Variants in D2HGDH observed in about 807,000 individuals in gnomAD.
D2HGDH encodes D-2-hydroxyglutarate dehydrogenase, mitochondrial.
In D2HGDH, 31 loss-of-function variants were observed where a neutral mutation model predicts 46.9. The observed-to-expected ratio is 0.66, with a 90% confidence interval of 0.50 to 0.89. The LOEUF (loss-of-function observed/expected upper bound fraction) is 0.89, where lower values mean the gene tolerates loss of function less well. Ranked by LOEUF, D2HGDH falls within the 40% of genes least tolerant of loss-of-function variation. The pLI, the probability that D2HGDH is intolerant of heterozygous loss-of-function variation, is 0.00. For synonymous variants in D2HGDH, 364 were observed against 332.6 expected (o/e 1.09, Z -1.03); for missense variants, 698 against 720.8 (o/e 0.97, Z 0.36).
chr2:241,753,683 G>A (rs766032448), intron 8 of D2HGDH, among the ~76,000 whole-genome samples: 7 of 152,256 alleles, frequency 4.6e-5, no homozygotes, highest in Admixed American at 6.5e-5. Flanking sequence ...CACACTGGTC[G>A]CACCAGATGC....
chr2:241,753,781 A>G (rs1337566959), intron 8 of D2HGDH, among the ~76,000 whole-genome samples: 1 of 152,242 alleles, frequency 6.6e-6, no homozygotes, highest in Admixed American at 6.5e-5. Flanking sequence ...CAAACCTGCT[A>G]GGGAGATGCC....
In D2HGDH at chr2:241,762,361, C is replaced by T. The variant is rs548335866; in HGVS notation, c.1307-5349C>T. On this transcript the variant is annotated intron_variant, in intron 9 of 9. Transcript: ENST00000321264. ...CTGAGATTGCAGGTGTGAGCCACCG[C>T]GCCCAGCCTGCTTTTTCCTTTTTGC... Among the ~76,000 whole-genome samples the T allele has an allele frequency of 7.2e-5, 11 of 152,290 alleles. No homozygotes were observed. The South Asian group carries it at 1.0e-3, about 14-fold the overall frequency.
chr2:241,746,492 G>A (rs1045046738), intron 6 of D2HGDH, among the ~76,000 whole-genome samples: 27 of 152,284 alleles, frequency 1.8e-4, no homozygotes, highest in African/African-American at 3.4e-4. Flanking sequence ...ATAGTTTGAC[G>A]TCTATAATCC....
In D2HGDH at chr2:241,743,485, G is replaced by A. The variant is rs937835483; in HGVS notation, c.491-137G>A. 2.1e-5 allele frequency: 19 copies of A among 908,208 alleles called. No homozygotes were observed. The South Asian group carries it at 2.5e-4, about 12-fold the overall frequency. The allele number at this position is 908,208 out of a possible 1,614,324, so 56.3% of individuals were successfully genotyped here. A position where few individuals can be genotyped will look rare whatever the true frequency, so the allele number is the denominator to read the frequency against. ...GTCCTTGGGCCAGCGATGTGGGGGT[G>A]CCTCTTCTCCTCAGCCCTGGCGCTG... is the stretch of plus-strand genomic sequence containing the variant. On this transcript the variant is annotated intron_variant, in intron 4 of 9. Coordinates refer to ENST00000321264, the MANE Select transcript of D2HGDH (RefSeq NM_152783.5). The surrounding 1 kb of genome is among the most constrained non-coding windows in gnomAD (Gnocchi z 4.8).
intron 9 of D2HGDH, among the ~76,000 whole-genome samples, chr2:241,757,054 T>G (rs1220641164): frequency 6.6e-6 from 1 of 152,092 alleles, no homozygotes; most frequent in Non-Finnish European, 1.5e-5. Context: ...GGGTCTAGGG[T>G]TGTGTACGTG....
chr2:241,753,607 T>G (rs1334982715), intron 8 of D2HGDH, among the ~76,000 whole-genome samples: 1 of 152,184 alleles, frequency 6.6e-6, no homozygotes, highest in African/African-American at 2.4e-5. Flanking sequence ...GGGGGCCCTG[T>G]GTTCAACGGG....
intron 3 of D2HGDH, among the ~76,000 whole-genome samples, chr2:241,741,693 A>G (rs1163254949): frequency 3.0e-5 from 4 of 135,154 alleles, no homozygotes; most frequent in Admixed American, 2.9e-4. Flanking sequence ...GGTTTATTTC[A>G]TGTATGGGGC....
Position 241,755,833 on chromosome 2 carries a change from T to G in D2HGDH, c.1141-16T>G, listed in dbSNP as rs1698106722. The G allele has an allele frequency of 6.2e-7, 1 of 1,611,026 alleles. No homozygotes were observed. ...TCCCATAGCCAGCCCTTGTCTCATC[T>G]CGTCTCATCCTCTAGATGCTGTGGG... On this transcript the variant is annotated splice_polypyrimidine_tract_variant and intron_variant, in intron 8 of 9. Coordinates refer to ENST00000321264, the MANE Select transcript of D2HGDH (RefSeq NM_152783.5).
At position 241,744,697 on chromosome 2, in the gene D2HGDH, C is replaced by T. The variant is rs767312116; in HGVS notation, c.685-12C>T. 1.2e-6 allele frequency: 2 copies of T among 1,614,222 alleles called. No individual in the cohort carries two copies. Among genetic ancestry groups the T allele is most frequent in the South Asian group, 2.2e-5 (2 of 91,088 alleles). On this transcript the variant is annotated splice_polypyrimidine_tract_variant and intron_variant, in intron 5 of 9. Transcript: ENST00000321264. ...CTGGCAGGTGGGTGAACGTGCTTCT[C>T]TTTGCCCCAAGGTGCTGGCCGACGG...
At position 241,768,231 on chromosome 2, in the gene D2HGDH, G is replaced by C; in HGVS notation, c.*262G>C. On this transcript the variant is annotated 3_prime_UTR_variant, in exon 10 of 10. Transcript: ENST00000321264. ...GCCATCCTGGACAGGCCGGGGTGGC[G>C]GCAGCTTTGCCCACGTGGAAGCGGG... The C allele has an allele frequency of 1.8e-6, 1 of 552,794 alleles. No homozygotes were observed. The allele number at this position is 552,794 out of a possible 1,614,324, so 34.2% of individuals were successfully genotyped here. A position where few individuals can be genotyped will look rare whatever the true frequency, so the allele number is the denominator to read the frequency against.
intron 8 of D2HGDH, among the ~76,000 whole-genome samples, chr2:241,754,231 G>A (rs1697798476): frequency 6.6e-6 from 1 of 152,252 alleles, no homozygotes; most frequent in Non-Finnish European, 1.5e-5. Context: ...CCAGACCATG[G>A]AGGCGAAAGC....
chr2:241,764,657 T>C (rs1049420814), intron 9 of D2HGDH, among the ~76,000 whole-genome samples: 2 of 152,238 alleles, frequency 1.3e-5, no homozygotes, highest in Admixed American at 1.3e-4. Context: ...GGGGGAGCTT[T>C]CCTTGGATCT....
chr2:241,755,897 G>A lies in D2HGDH; in HGVS notation c.1189G>A (p.Gly397Ser). 6.2e-7 allele frequency: 1 copy of A among 1,613,224 alleles called. No homozygotes were observed. Among genetic ancestry groups the A allele is most frequent in the Admixed American group, 1.7e-5 (1 of 60,028 alleles). ...GATCACAGAGGCGCTGAGCCGGGAT[G>A]GCTACGTGTACAAGTACGACCTCTC... is the stretch of plus-strand genomic sequence containing the variant. ...ERITEALSRD[G>S]YVYKYDLSLP... The change falls in exon 9 of 10, where the codon GGC becomes AGC. Residue 397 changes from glycine (G) to serine (S), a missense_variant. Physicochemically the swap from Gly to Ser is moderately conservative, Grantham distance 56. Transcript: ENST00000321264.
chr2:241,760,109 C>G lies in D2HGDH; in HGVS notation c.1306+4095C>G, dbSNP rs533920737. Among the ~76,000 whole-genome samples the G allele has an allele frequency of 1.9e-4, 26 of 134,798 alleles. 1 individual carries two copies. Among genetic ancestry groups the G allele is most frequent in the Admixed American group, 1.8e-3 (25 of 14,084 alleles). 88.4% of individuals were successfully genotyped at this position (134,798 alleles called of 152,430 possible). A position where few individuals can be genotyped will look rare whatever the true frequency, so the allele number is the denominator to read the frequency against. ...ACAGCATGGGTGGGCCTTACCCAATCAGTCGAAGGACTTCGCCACAGCGTG... is the reference window on the plus strand; with the variant it reads ...ACAGCATGGGTGGGCCTTACCCAATGAGTCGAAGGACTTCGCCACAGCGTG... On this transcript the variant is annotated intron_variant, in intron 9 of 9. Coordinates refer to ENST00000321264, the MANE Select transcript of D2HGDH (RefSeq NM_152783.5).
Position 241,751,299 on chromosome 2 carries a change from G to A in D2HGDH, c.1051G>A (p.Ala351Thr), listed in dbSNP as rs772618143. The A allele has an allele frequency of 6.8e-6, 11 of 1,613,840 alleles. No homozygotes were observed. In the Admixed American group the frequency reaches 8.3e-5, roughly 12 times the overall value. The change falls in exon 8 of 10, where the codon GCT becomes ACT. Residue 351 changes from alanine (A) to threonine (T), a missense_variant. Coordinates refer to ENST00000321264, the MANE Select transcript of D2HGDH (RefSeq NM_152783.5). ...TTCAGGCTCCAACGCAGGCCATGAC[G>A]CTGAGAAGCTGGGCCACTTCCTGGA... ...ETSGSNAGHDAEKLGHFLEHA... is the reference protein window; with the variant it reads ...ETSGSNAGHDTEKLGHFLEHA...
chr2:241,763,707 A>C (rs1417270974), intron 9 of D2HGDH, among the ~76,000 whole-genome samples: 1 of 152,010 alleles, frequency 6.6e-6, no homozygotes, highest in Non-Finnish European at 1.5e-5. Context: ...GGTTGGGTGA[A>C]ACGTTGTTAT....
In D2HGDH at chr2:241,735,444, G is replaced by C; in HGVS notation, c.220G>C (p.Val74Leu). 6.2e-7 allele frequency: 1 copy of C among 1,609,722 alleles called. No homozygotes were observed. Among genetic ancestry groups the C allele is most frequent in the Non-Finnish European group, 8.5e-7 (1 of 1,179,594 alleles). Residue 74 changes from valine (V) to leucine (L), a missense_variant, in exon 2 of 10, where the codon GTG (valine) becomes CTG (leucine). Coordinates refer to ENST00000321264, the MANE Select transcript of D2HGDH (RefSeq NM_152783.5). ...GGACCTGGCCGCCTTTGAGCGCATCGTGCCCGGCGGGGTCGTCACGGACCC... is the reference window on the plus strand; with the variant it reads ...GGACCTGGCCGCCTTTGAGCGCATCCTGCCCGGCGGGGTCGTCACGGACCC... ...KQDLAAFERI[V>L]PGGVVTDPEA...
intron 6 of D2HGDH, chr2:241,748,971 G>C (rs1215305898): frequency 1.6e-6 from 2 of 1,270,992 alleles, no homozygotes; most frequent in Admixed American, 2.4e-5. Context: ...TCGCCTCTTC[G>C]TGCCACGCCC....
intron 2 of D2HGDH, among the ~76,000 whole-genome samples, chr2:241,739,380 G>C (rs1013721946): frequency 3.9e-5 from 6 of 152,218 alleles, no homozygotes; most frequent in African/African-American, 7.2e-5. Flanking sequence ...GACGCAGTGA[G>C]CGCAGGTGCC....
Sources: gnomAD v4.1 joint callset for allele counts (sites outside exome capture counted in the v4.1 genomes callset) on GRCh38, gnomAD v4.1.1 for gene constraint, Gnocchi (gnomAD v3.1) non-coding constraint, MANE v1.5 for transcripts, NCBI Gene and HGNC (gene_info 2026-07-23, HGNC 2026-07-21) for gene names.